The following IQCJ variants were observed in gnomAD, a reference collection of about 807,000 sequenced individuals.
IQCJ encodes IQ domain-containing protein J.
In IQCJ, 9 loss-of-function variants were observed where a neutral mutation model predicts 11.0. The ratio of observed to expected loss-of-function variants is 0.82; its 90% confidence interval spans 0.49 to 1.43. The LOEUF (loss-of-function observed/expected upper bound fraction) is 1.43. IQCJ is among the 40% of genes most tolerant of loss of function. IQCJ has a pLI of 0.00. For synonymous variants in IQCJ, 55 were observed against 51.3 expected (o/e 1.07, Z -0.31); for missense variants, 146 against 133.2 (o/e 1.10, Z -0.47).
chr3:159,254,062 C>T (rs573569291), intron 3 of IQCJ, among the ~76,000 whole-genome samples: 1 of 152,172 alleles, frequency 6.6e-6, no homozygotes, highest in Non-Finnish European at 1.5e-5. Flanking sequence ...ATCAGGCTAT[C>T]GAATCATTTT....
At chr3:159,221,904 C>T (rs1204519690) in intron 1 of IQCJ, among the ~76,000 whole-genome samples, 1 of 151,126 alleles carries the variant, frequency 6.6e-6, no homozygotes, top group African/African-American at 2.4e-5. Context: ...ACAGATGGTG[C>T]TTTAAGAGAA....
At chr3:159,214,114 G>A (rs1725094133) in intron 1 of IQCJ, among the ~76,000 whole-genome samples, 1 of 152,064 alleles carries the variant, frequency 6.6e-6, no homozygotes, top group African/African-American at 2.4e-5. Flanking sequence ...TTGCAGACCT[G>A]TTTGCTGGAC....
intron 1 of IQCJ, among the ~76,000 whole-genome samples, chr3:159,199,305 A>G (rs545295995): frequency 6.6e-6 from 1 of 152,344 alleles, no homozygotes; most frequent in South Asian, 2.1e-4. Flanking sequence ...AGGTGTCATA[A>G]TTAAAGAAAA....
chr3:159,200,691 T>C (rs1724276542), intron 1 of IQCJ, among the ~76,000 whole-genome samples: 1 of 152,190 alleles, frequency 6.6e-6, no homozygotes, highest in Non-Finnish European at 1.5e-5. Flanking sequence ...ATCTAATTCA[T>C]TGAGCTTCAG....
chr3:159,180,681 A>T (rs1214813627), intron 1 of IQCJ, among the ~76,000 whole-genome samples: 2 of 152,010 alleles, frequency 1.3e-5, no homozygotes, highest in Non-Finnish European at 2.9e-5. Flanking sequence ...GGTATTCATT[A>T]TACTATGTTT....
At chr3:159,169,488 C>T (rs1336106041) in intron 1 of IQCJ, among the ~76,000 whole-genome samples, 2 of 151,524 alleles carry the variant, frequency 1.3e-5, no homozygotes, top group Admixed American at 6.6e-5. Context: ...GGTGGTTTCA[C>T]CATGTTGGTC....
chr3:159,118,326 A>C (rs1293514358), intron 1 of IQCJ, among the ~76,000 whole-genome samples: 1 of 152,178 alleles, frequency 6.6e-6, no homozygotes, highest in African/African-American at 2.4e-5. Context: ...TGCTCCCAGC[A>C]GACTTCCCCT....
chr3:159,242,743 G>A (rs1727007498), intron 1 of IQCJ, among the ~76,000 whole-genome samples: 1 of 151,826 alleles, frequency 6.6e-6, no homozygotes, highest in Admixed American at 6.6e-5. Context: ...TTTTCTAAGA[G>A]AAAATATAGG....
chr3:159,163,802 A>G (rs1038409575), intron 1 of IQCJ, among the ~76,000 whole-genome samples: 1 of 152,196 alleles, frequency 6.6e-6, no homozygotes, highest in Non-Finnish European at 1.5e-5. Context: ...TAGTAGCAGA[A>G]CCATACTGGA....
At chr3:159,198,565 C>G (rs557771979) in intron 1 of IQCJ, among the ~76,000 whole-genome samples, 2 of 152,174 alleles carry the variant, frequency 1.3e-5, no homozygotes, top group East Asian at 3.9e-4. Context: ...AAAGGGAGTT[C>G]AGTGAAATAA....
chr3:159,182,778 T>TTA (rs1723172283), intron 1 of IQCJ, among the ~76,000 whole-genome samples: 1 of 116,978 alleles, frequency 8.5e-6, no homozygotes, highest in African/African-American at 3.7e-5. Flanking sequence ...TTTTATTTAT[T>TTA]TTATTTTTTT....
At chr3:159,168,200 C>T (rs558947362) in intron 1 of IQCJ, among the ~76,000 whole-genome samples, 9 of 152,252 alleles carry the variant, frequency 5.9e-5, no homozygotes, top group African/African-American at 1.9e-4. Context: ...TACCAGTCTC[C>T]TTTCACTGTG....
chr3:159,173,664 G>C (rs1031034804), intron 1 of IQCJ, among the ~76,000 whole-genome samples: 5 of 151,996 alleles, frequency 3.3e-5, no homozygotes, highest in African/African-American at 1.2e-4. Flanking sequence ...ACTGTCTTTT[G>C]ACTCCCTCGC....
At chr3:159,083,728 C>T (rs192634209) in intron 1 of IQCJ, among the ~76,000 whole-genome samples, 104 of 152,252 alleles carry the variant, frequency 6.8e-4, no homozygotes, top group South Asian at 1.4e-3. Context: ...TAATGTGTGA[C>T]TGGTTAGTCA....
At chr3:159,253,027 A>G (rs1015891470) in intron 3 of IQCJ, among the ~76,000 whole-genome samples, 3 of 152,106 alleles carry the variant, frequency 2.0e-5, no homozygotes, top group Non-Finnish European at 4.4e-5. Context: ...TATTTTCACC[A>G]CTTTTTGGTT....
At chr3:159,133,926 C>T (rs981543925) in intron 1 of IQCJ, among the ~76,000 whole-genome samples, 1 of 151,640 alleles carries the variant, frequency 6.6e-6, no homozygotes, top group Non-Finnish European at 1.5e-5. Flanking sequence ...CTTGGAGCCT[C>T]CCAGTATGCA....
chr3:159,136,861 A>T (rs1000678946), intron 1 of IQCJ, among the ~76,000 whole-genome samples: 3 of 152,234 alleles, frequency 2.0e-5, no homozygotes, highest in Non-Finnish European at 2.9e-5. Flanking sequence ...AAGAGTAGAT[A>T]TTGTTACCTT....
At chr3:159,247,838 GGACAGA>G (rs1727362391) in intron 2 of IQCJ, among the ~76,000 whole-genome samples, 2 of 152,226 alleles carry the variant, frequency 1.3e-5, no homozygotes, top group East Asian at 3.9e-4. Flanking sequence ...AGAGGGACAG[GGACAGA>G]AGGGCAAGAG....
At chr3:159,072,952 A>C (rs886989251) in intron 1 of IQCJ, among the ~76,000 whole-genome samples, 1 of 152,066 alleles carries the variant, frequency 6.6e-6, no homozygotes, top group Non-Finnish European at 1.5e-5. Context: ...TGGGTGTGTC[A>C]TTTAGGTTCT....
Sources: allele counts gnomAD v4.1 joint callset (sites outside exome capture counted in the v4.1 genomes callset), GRCh38; gene constraint gnomAD v4.1.1; transcripts MANE v1.5; gene names NCBI Gene and HGNC (gene_info 2026-07-23, HGNC 2026-07-21).